Variants in STIP1 observed in about 807,000 individuals in gnomAD.
STIP1 encodes stress-induced-phosphoprotein 1.
Under a neutral mutation model 77.4 loss-of-function variants are expected in STIP1, and 16 were observed. The ratio of observed to expected loss-of-function variants is 0.21; its 90% CI spans 0.14 to 0.31. The LOEUF is 0.31. Among genes scored for constraint, STIP1 ranks in the 10% least tolerant of loss-of-function variants. STIP1 has a pLI of 1.00. For missense variants in STIP1, 524 were observed against 684.8 expected (o/e 0.77, Z 2.62); for synonymous variants, 258 against 246.6 (o/e 1.05, Z -0.44).
chr11:64,189,887 T>C (rs1022687302), intron 1 of STIP1, among the ~76,000 whole-genome samples: 18 of 148,250 alleles, frequency 1.2e-4, no homozygotes, highest in African/African-American at 4.5e-4. Context: ...GGCTCTAGGA[T>C]TTTTTATCCC....
rs546434043 is a variant in STIP1 at position 64,194,041 on chromosome 11, G to A, written c.220-148G>A. On this transcript the variant is annotated intron_variant, in intron 2 of 13. Transcript: ENST00000305218. ...TCCTTACAGTAGCAGCCTTGGCCTCGTAGCCTACTCCTCTCCTTTTTTTCT... is the reference window on the plus strand; with the variant it reads ...TCCTTACAGTAGCAGCCTTGGCCTCATAGCCTACTCCTCTCCTTTTTTTCT... 6.5e-5 allele frequency: 74 copies of A among 1,130,250 alleles called. No individual in the cohort carries two copies. The African/African-American group carries it at 7.3e-4, about 11-fold the overall frequency. 70.0% of individuals were successfully genotyped at this position (1,130,250 alleles called of 1,614,324 possible). A position where few individuals can be genotyped will look rare whatever the true frequency, so the allele number is the denominator to read the frequency against.
At chr11:64,199,872 A>G in intron 8 of STIP1, 68 bp from the exon 9 acceptor site, 1 of 1,588,992 alleles carries the variant, frequency 6.3e-7, no homozygotes, top group African/African-American at 1.4e-5. Flanking sequence ...CCCTAATGTG[A>G]TTTTTAAGCC....
chr11:64,191,548 G>A (rs538624575), intron 1 of STIP1, among the ~76,000 whole-genome samples: 7 of 152,306 alleles, frequency 4.6e-5, no homozygotes, highest in South Asian at 4.1e-4. Flanking sequence ...GGAGGTTGCC[G>A]TGAGGCAAGA....
chr11:64,201,278 C>T (rs1591015164), intron 10 of STIP1, among the ~76,000 whole-genome samples: 1 of 152,146 alleles, frequency 6.6e-6, no homozygotes, highest in Non-Finnish European at 1.5e-5. Flanking sequence ...TGGGCTCAAG[C>T]GAGCCTCCTG....
chr11:64,195,931 G>A (rs193040087), intron 5 of STIP1, 118 bp downstream of exon 5: 85 of 1,425,052 alleles, frequency 6.0e-5, no homozygotes, highest in Middle Eastern at 1.9e-4. Flanking sequence ...TTTTAGAGAC[G>A]GAGTCTTGCT....
At chr11:64,201,631 T>G (rs1946220704) in intron 10 of STIP1, among the ~76,000 whole-genome samples, 1 of 152,150 alleles carries the variant, frequency 6.6e-6, no homozygotes, top group Non-Finnish European at 1.5e-5. Flanking sequence ...TTGTGTTGGT[T>G]TTTATATTTT....
intron 1 of STIP1, among the ~76,000 whole-genome samples, chr11:64,190,371 T>A (rs1946079214): frequency 6.6e-6 from 1 of 152,098 alleles, no homozygotes; most frequent in Non-Finnish European, 1.5e-5. Flanking sequence ...GAGACGGGGT[T>A]TCTCCATGTT....
chr11:64,191,575 C>T (rs1437766046), intron 1 of STIP1, among the ~76,000 whole-genome samples: 1 of 152,128 alleles, frequency 6.6e-6, no homozygotes, highest in East Asian at 1.9e-4. Flanking sequence ...CACTACACTC[C>T]AGTCTGGGGA....
At chr11:64,185,850 A>C (rs189449170), upstream of STIP1, 576 of 1,536,096 alleles carry the variant, frequency 3.7e-4, 5 homozygotes, top group African/African-American at 7.5e-3. Context: ...CCAATGGGAG[A>C]GGTGGAAATT....
intron 8 of STIP1, among the ~76,000 whole-genome samples, chr11:64,198,558 G>C (rs917947810): frequency 3.9e-5 from 6 of 152,044 alleles, no homozygotes; most frequent in African/African-American, 9.7e-5. Context: ...TGTTGCCCAG[G>C]TTGGTCTTGA....
intron 1 of STIP1, among the ~76,000 whole-genome samples, chr11:64,187,450 C>T (rs1591001869): frequency 6.6e-6 from 1 of 152,162 alleles, no homozygotes. Context: ...CACACTCTCC[C>T]CTTAAATAAG....
intron 8 of STIP1, among the ~76,000 whole-genome samples, chr11:64,198,298 C>T (rs949524658): frequency 1.3e-5 from 2 of 151,968 alleles, no homozygotes; most frequent in Non-Finnish European, 2.9e-5. Context: ...CTGCAACCTC[C>T]GCCTCCCAGG....
chr11:64,186,395 G>C (rs1431923923), intron 1 of STIP1, 125 bp downstream of exon 1: 1 of 1,098,458 alleles, frequency 9.1e-7, no homozygotes, highest in African/African-American at 1.7e-5. Flanking sequence ...GGGCCGGACG[G>C]GGCGGCGGCG....
chr11:64,194,589 C>G lies in STIP1; in HGVS notation c.472C>G (p.Gln158Glu), dbSNP rs1946127698. 1 of 1,614,014 alleles carries G rather than the reference C, an allele frequency of 6.2e-7. No individual in the cohort carries two copies. The highest frequency in any genetic ancestry group is 1.3e-5 in the African/African-American group (1 of 74,908). The change falls in exon 4 of 14, where the codon CAG becomes GAG. Residue 158 changes from glutamine to glutamate, a missense_variant. Gln to Glu is a conservative substitution (Grantham distance 29, BLOSUM62 2). Coordinates refer to ENST00000305218, the MANE Select transcript of STIP1 (RefSeq NM_006819.3). ...SDPTYRELIE[Q>E]LRNKPSDLGT... ...TCCTACCTACCGGGAGCTGATAGAG[C>G]AGCTACGAAACAAGCCTTCTGACCT...
intron 1 of STIP1, among the ~76,000 whole-genome samples, chr11:64,191,855 G>T (rs1184312526): frequency 6.6e-6 from 1 of 151,968 alleles, no homozygotes; most frequent in African/African-American, 2.4e-5. Context: ...CTTCACACTT[G>T]GAGGGTTGCA....
At chr11:64,185,747 G>A, upstream of STIP1, 4 of 1,507,748 alleles carry the variant, frequency 2.7e-6, no homozygotes, top group African/African-American at 1.4e-5. Context: ...GAAGGGCAGC[G>A]ATTTAAACCA....
At chr11:64,199,336 C>T (rs773744789) in intron 8 of STIP1, among the ~76,000 whole-genome samples, 1 of 150,768 alleles carries the variant, frequency 6.6e-6, no homozygotes, top group Non-Finnish European at 1.5e-5. Context: ...AACTCTGTCT[C>T]TACTAAATAA....
At chr11:64,200,729 C>T (rs542955651) in intron 10 of STIP1, among the ~76,000 whole-genome samples, 1 of 152,060 alleles carries the variant, frequency 6.6e-6, no homozygotes, top group African/African-American at 2.4e-5. Context: ...TGTAACCTTC[C>T]TCTTTTTTCT....
chr11:64,194,788 CAG>C (rs1565280108), intron 4 of STIP1, among the ~76,000 whole-genome samples, 168 bp downstream of exon 4: 1 of 152,262 alleles, frequency 6.6e-6, no homozygotes, highest in African/African-American at 2.4e-5. Flanking sequence ...TAGAAAGGGT[CAG>C]GGGAGCATAT....
Sources: gnomAD v4.1 joint callset for allele counts (sites outside exome capture counted in the v4.1 genomes callset) on GRCh38, gnomAD v4.1.1 for gene constraint, MANE v1.5 for transcripts, NCBI Gene and HGNC (gene_info 2026-07-23, HGNC 2026-07-21) for gene names.